The following CDC73 variants were observed in gnomAD, a reference collection of about 807,000 sequenced individuals.
CDC73 encodes parafibromin.
A neutral mutation model predicts 83.7 loss-of-function variants in CDC73; 21 were observed. The observed-to-expected ratio is 0.25, with a 90% CI of 0.18 to 0.36. The LOEUF is 0.36. CDC73 is among the 10% of genes least tolerant of loss of function. The pLI is 1.00. For missense variants in CDC73, 342 were observed against 653.3 expected (o/e 0.52, Z 5.19); for synonymous variants, 224 against 212.9 (o/e 1.05, Z -0.45).
intron 10 of CDC73, among the ~76,000 whole-genome samples, chr1:193,163,172 TGTGTGG>T (rs1474337158): frequency 1.8e-3 from 273 of 151,278 alleles, no homozygotes; most frequent in African/African-American, 6.4e-3. Context: ...TGTGTGTGTG[TGTGTGG>T]GTGTGTGTGT....
chr1:193,238,679 CAT>C (rs1677805721), intron 15 of CDC73, among the ~76,000 whole-genome samples: 1 of 152,132 alleles, frequency 6.6e-6, no homozygotes, highest in Non-Finnish European at 1.5e-5. Flanking sequence ...TAACTGATAA[CAT>C]AAACAGTCGA....
At chr1:193,202,603 C>T (rs1364826509) in intron 10 of CDC73, among the ~76,000 whole-genome samples, 1 of 147,296 alleles carries the variant, frequency 6.8e-6, no homozygotes, top group Non-Finnish European at 1.5e-5. Flanking sequence ...ATTTTGCTGT[C>T]CTCAGGTGTC....
Position 193,131,219 on chromosome 1 carries a change from G to A in CDC73, c.307+976G>A, listed in dbSNP as rs573702603. Among the ~76,000 whole-genome samples, 10 of 151,762 alleles carry A rather than the reference G, an allele frequency of 6.6e-5. No homozygotes were observed. In the East Asian group the frequency reaches 1.4e-3, roughly 21 times the overall value. On this transcript the variant is annotated intron_variant, in intron 3 of 16. Transcript: ENST00000367435. ...CCTCTTTCCCTTCTGCCCTCACACA[G>A]AACAAAAACAAGTCTGTTGTTTTCT...
chr1:193,209,183 T>G (rs1363097927), intron 11 of CDC73, among the ~76,000 whole-genome samples: 1 of 152,230 alleles, frequency 6.6e-6, no homozygotes, highest in Non-Finnish European at 1.5e-5. Context: ...GAATCTAATT[T>G]ATTTGAAATC....
intron 9 of CDC73, 29 bp from the exon 10 acceptor site, chr1:193,152,351 C>G (rs761877593): frequency 2.0e-6 from 3 of 1,488,128 alleles, no homozygotes; most frequent in Non-Finnish European, 1.9e-6. Flanking sequence ...TCTATAAAAT[C>G]TTAACAATAA....
At chr1:193,234,175 T>TCTCTCACACA (rs1241998258) in intron 14 of CDC73, among the ~76,000 whole-genome samples, 12 of 101,408 alleles carry the variant, frequency 1.2e-4, no homozygotes, top group African/African-American at 4.2e-4. Flanking sequence ...TCTCTCTCTC[T>TCTCTCACACA]CACACACACA....
intron 10 of CDC73, among the ~76,000 whole-genome samples, chr1:193,153,780 A>G (rs1055638233): frequency 6.6e-5 from 10 of 152,216 alleles, no homozygotes; most frequent in African/African-American, 7.2e-5. Context: ...CATTTGTGTC[A>G]GATCCTGTTC....
intron 10 of CDC73, among the ~76,000 whole-genome samples, chr1:193,182,341 T>TTCTTTGTAAA (rs1295205443): frequency 6.6e-6 from 1 of 152,196 alleles, no homozygotes; most frequent in Non-Finnish European, 1.5e-5. Context: ...ATTTTAACTT[T>TTCTTTGTAAA]TCTTTGTAAA....
intron 15 of CDC73, among the ~76,000 whole-genome samples, chr1:193,241,246 T>A (rs1558323045): frequency 6.6e-6 from 1 of 152,220 alleles, no homozygotes; most frequent in South Asian, 2.1e-4. Flanking sequence ...TCATACTGGC[T>A]GTGTAATTTC....
intron 1 of CDC73, among the ~76,000 whole-genome samples, chr1:193,123,407 A>G (rs984165372): frequency 6.6e-6 from 1 of 152,082 alleles, no homozygotes; most frequent in Non-Finnish European, 1.5e-5. Flanking sequence ...TATGTAGTTT[A>G]GTAGAGATGT....
chr1:193,195,144 G>C (rs1676981033), intron 10 of CDC73, among the ~76,000 whole-genome samples: 1 of 152,138 alleles, frequency 6.6e-6, no homozygotes, highest in East Asian at 1.9e-4. Flanking sequence ...GTAATATTCA[G>C]ACCATCATTG....
At position 193,232,983 on chromosome 1, in the gene CDC73, T is replaced by G. The variant is rs933655502; in HGVS notation, c.1155-10T>G. 1 of 1,611,196 alleles carries G rather than the reference T, an allele frequency of 6.2e-7. No homozygotes were observed. Among genetic ancestry groups the G allele is most frequent in the African/African-American group, 1.3e-5 (1 of 74,838 alleles). On this transcript the variant is annotated splice_polypyrimidine_tract_variant and intron_variant, in intron 13 of 16. Coordinates refer to ENST00000367435, the MANE Select transcript of CDC73 (RefSeq NM_024529.5). ...TACATTGACTTTTTCTCATCTCTGT[T>G]TTTTCAAAGATTTGTCCCATCAGAT... is the stretch of plus-strand genomic sequence containing the variant.
chr1:193,204,239 G>GTA (rs1165046370), intron 11 of CDC73, among the ~76,000 whole-genome samples: 2 of 133,706 alleles, frequency 1.5e-5, no homozygotes, highest in Non-Finnish European at 3.1e-5. Flanking sequence ...ATATATACAC[G>GTA]TATATATATG....
intron 10 of CDC73, among the ~76,000 whole-genome samples, chr1:193,173,149 T>C (rs1676547810): frequency 6.6e-6 from 1 of 152,226 alleles, no homozygotes; most frequent in African/African-American, 2.4e-5. Context: ...CAGGTTGTGC[T>C]TTTTTGTGAT....
At chr1:193,222,052 A>T (rs747493290) in intron 13 of CDC73, among the ~76,000 whole-genome samples, 1 of 152,208 alleles carries the variant, frequency 6.6e-6, no homozygotes, top group African/African-American at 2.4e-5. Context: ...AAAAAAAATA[A>T]TAAAACCCTT....
chr1:193,157,144 CA>C (rs1676220884), intron 10 of CDC73, among the ~76,000 whole-genome samples: 1 of 152,044 alleles, frequency 6.6e-6, no homozygotes, highest in Non-Finnish European at 1.5e-5. Flanking sequence ...GAGCAGTGAA[CA>C]AAAAGCAGTA....
At chr1:193,135,686 CT>C (rs1675781062) in intron 5 of CDC73, 97 bp downstream of exon 5, 9 of 1,011,366 alleles carry the variant, frequency 8.9e-6, no homozygotes, top group East Asian at 2.6e-5. Flanking sequence ...ACCTGAGGAG[CT>C]TTTTTTCTGG....
At position 193,203,068 on chromosome 1, in the gene CDC73, A is replaced by C. The variant is rs180958897; in HGVS notation, c.973-727A>C. On this transcript the variant is annotated intron_variant, in intron 10 of 16. Transcript: ENST00000367435. ...AACTTTCTATAAAGAAAAATGTATTATGAAATATCACTGTGAATATGATTG... is the reference window on the plus strand; with the variant it reads ...AACTTTCTATAAAGAAAAATGTATTCTGAAATATCACTGTGAATATGATTG... Among the ~76,000 whole-genome samples, 773 of 152,264 alleles carry C rather than the reference A, an allele frequency of 5.1e-3. 3 individuals carry two copies. Among genetic ancestry groups the C allele is most frequent in the Admixed American group, 0.013 (199 of 15,302 alleles).
At chr1:193,196,621 C>A (rs1250764911) in intron 10 of CDC73, among the ~76,000 whole-genome samples, 2 of 152,092 alleles carry the variant, frequency 1.3e-5, no homozygotes, top group African/African-American at 2.4e-5. Context: ...GTCTTTAATT[C>A]TTTTAGCAAT....
Sources: allele counts gnomAD v4.1 joint callset (sites outside exome capture counted in the v4.1 genomes callset), GRCh38; gene constraint gnomAD v4.1.1; transcripts MANE v1.5; gene names NCBI Gene and HGNC (gene_info 2026-07-23, HGNC 2026-07-21).